Variants in CSMD2 observed in about 807,000 individuals in gnomAD.
CSMD2 encodes CUB and sushi domain-containing protein 2.
Under a neutral mutation model 398.5 loss-of-function variants are expected in CSMD2, and 130 were observed. The ratio of observed to expected loss-of-function variants is 0.33; its 90% confidence interval spans 0.28 to 0.38. CSMD2 has a LOEUF of 0.38. Among genes scored for constraint, CSMD2 ranks in the 10% least tolerant of loss-of-function variants. The pLI, the probability that CSMD2 is intolerant of heterozygous loss-of-function variation, is 1.00. For missense variants in CSMD2, 3,829 were observed against 4,764.9 expected, an observed-to-expected ratio of 0.80 and a Z score of 5.78; for synonymous variants, 1,828 against 1,908.5, an observed-to-expected ratio of 0.96 and a Z score of 1.10.
intron 53 of CSMD2, among the ~76,000 whole-genome samples, chr1:33,564,879 G>A (rs953687314): frequency 2.0e-5 from 3 of 152,150 alleles, no homozygotes; most frequent in Admixed American, 6.5e-5. Flanking sequence ...TTACATAAAG[G>A]CTCACTTTAG....
chr1:33,905,806 C>T (rs941438525), intron 5 of CSMD2, among the ~76,000 whole-genome samples: 36 of 152,284 alleles, frequency 2.4e-4, no homozygotes, highest in African/African-American at 7.2e-4. Context: ...ACAGGAACCA[C>T]GGCATCTTGT....
At chr1:33,719,161 G>A (rs1444056800) in intron 19 of CSMD2, among the ~76,000 whole-genome samples, 4 of 152,160 alleles carry the variant, frequency 2.6e-5, no homozygotes, top group African/African-American at 9.7e-5. Context: ...GGGTGCATGT[G>A]CCCACGTGCA....
At position 33,635,405 on chromosome 1, in the gene CSMD2, AG is replaced by A; in HGVS notation, c.4970-76del. The A allele has an allele frequency of 1.1e-6, 1 of 910,510 alleles. No homozygotes were observed. The highest frequency in any genetic ancestry group is 2.0e-5 in the Admixed American group (1 of 49,798). 56.4% of individuals were successfully genotyped at this position (910,510 alleles called of 1,614,324 possible). On this transcript the variant is annotated intron_variant, in intron 30 of 70. Coordinates refer to ENST00000373381, the MANE Select transcript of CSMD2 (RefSeq NM_001281956.2). The surrounding 1 kb of genome is among the most constrained non-coding windows in gnomAD (Gnocchi z 5.0). ...CAGTGACCATCCTCTGTTCTGCCCC[AG>A]CCTGAGCTTCTGGCCCCAGTAGGGC...
chr1:34,024,928 A>T (rs1649428003), intron 3 of CSMD2, among the ~76,000 whole-genome samples: 1 of 152,258 alleles, frequency 6.6e-6, no homozygotes, highest in Non-Finnish European at 1.5e-5. Context: ...AGAGAGAATC[A>T]GCAGGTCTAA....
intron 5 of CSMD2, among the ~76,000 whole-genome samples, chr1:33,902,661 G>A (rs539055728): frequency 2.8e-4 from 42 of 152,152 alleles, no homozygotes; most frequent in South Asian, 1.5e-3. Flanking sequence ...CTCAGCTTTC[G>A]CTAAGTATCC....
chr1:33,887,522 C>G (rs1294109562), intron 5 of CSMD2, among the ~76,000 whole-genome samples: 2 of 152,182 alleles, frequency 1.3e-5, no homozygotes, highest in African/African-American at 4.8e-5. Context: ...CCTCTCCAAC[C>G]TCTATCAGCT....
chr1:33,555,533 C>T (rs1385376254), intron 55 of CSMD2, among the ~76,000 whole-genome samples: 1 of 152,168 alleles, frequency 6.6e-6, no homozygotes. Flanking sequence ...CAAACAGCAG[C>T]ATACGCTACA....
chr1:34,102,849 C>T (rs960369068), intron 1 of CSMD2, among the ~76,000 whole-genome samples: 2 of 152,204 alleles, frequency 1.3e-5, no homozygotes, highest in African/African-American at 4.8e-5. Flanking sequence ...CCAGGTGTTC[C>T]TGGTGCCTGC....
intron 2 of CSMD2, among the ~76,000 whole-genome samples, chr1:34,052,632 T>C (rs566641156): frequency 1.8e-4 from 28 of 152,142 alleles, no homozygotes; most frequent in Admixed American, 7.2e-4. Flanking sequence ...CATTTATATG[T>C]GTGTACTTGT....
At chr1:33,525,915 C>A (rs1471992357) in intron 65 of CSMD2, among the ~76,000 whole-genome samples, 2 of 152,102 alleles carry the variant, frequency 1.3e-5, no homozygotes, top group African/African-American at 4.8e-5. Context: ...AACTCCTGAC[C>A]TCAGGTGATC....
chr1:34,048,092 G>A (rs773977397), intron 2 of CSMD2, among the ~76,000 whole-genome samples: 21 of 152,216 alleles, frequency 1.4e-4, no homozygotes, highest in Non-Finnish European at 2.2e-4. Context: ...CAGGAGGTTG[G>A]CAAGGATGGA....
At position 33,569,463 on chromosome 1, in the gene CSMD2, G is replaced by A. The variant is rs1659377278; in HGVS notation, c.8042C>T (p.Ser2681Phe). The A allele has an allele frequency of 1.9e-6, 3 of 1,614,190 alleles. No individual in the cohort carries two copies. Among genetic ancestry groups the A allele is most frequent in the Non-Finnish European group, 1.7e-6 (2 of 1,180,032 alleles). ...LSVYGATAIF[S>F]CNSGYTLVGS... The stretch of plus-strand genomic sequence containing the variant: ...CACCAGTGTGTATCCGGAATTGCAG[G>A]AGAAGATGGCTGTTGCCCCGTAGAC... The change falls in exon 52 of 71, where the codon TCC (serine) becomes TTC (phenylalanine). Residue 2681 changes from serine to phenylalanine, a missense_variant. Coordinates refer to ENST00000373381, the MANE Select transcript of CSMD2 (RefSeq NM_001281956.2).
At chr1:33,626,762 A>G (rs765358028) in intron 32 of CSMD2, among the ~76,000 whole-genome samples, 181 bp from the exon 33 acceptor site, 1 of 152,224 alleles carries the variant, frequency 6.6e-6, no homozygotes, top group Non-Finnish European at 1.5e-5. Flanking sequence ...TAAAGTTTAT[A>G]GAAAGCTTTT....
intron 13 of CSMD2, among the ~76,000 whole-genome samples, chr1:33,756,941 A>G (rs1649111137): frequency 6.6e-6 from 1 of 152,202 alleles, no homozygotes; most frequent in Admixed American, 6.5e-5. Flanking sequence ...GATTAAGAAA[A>G]TGTGGCACAT....
Position 33,624,657 on chromosome 1 carries a change from C to T in CSMD2, c.5501-14G>A, listed in dbSNP as rs1570985616. On this transcript the variant is annotated splice_polypyrimidine_tract_variant and intron_variant, in intron 34 of 70. Transcript: ENST00000373381. The surrounding 1 kb of genome is among the most constrained non-coding windows in gnomAD (Gnocchi z 4.7). ...CTCCACACGGCACTGGGAGGAGAGG[C>T]CATCGGGTCAGAGGCTTTGTGGCCT... is the stretch of plus-strand genomic sequence containing the variant. 6.2e-7 allele frequency: 1 copy of T among 1,608,786 alleles called. No homozygotes were observed. The highest frequency in any genetic ancestry group is 2.2e-5 in the East Asian group (1 of 44,708).
intron 39 of CSMD2, among the ~76,000 whole-genome samples, chr1:33,614,933 T>C (rs868702020): frequency 7.9e-5 from 12 of 152,308 alleles, no homozygotes; most frequent in Middle Eastern, 6.8e-3. Context: ...GGAAGTTCTG[T>C]GCCAAAAGAA....
At position 33,525,065 on chromosome 1, in the gene CSMD2, T is replaced by A. The variant is rs201348886; in HGVS notation, c.10235-22A>T. 5 of 1,613,318 alleles carry A rather than the reference T, an allele frequency of 3.1e-6. No individual in the cohort carries two copies. The African/African-American group carries it at 5.3e-5, about 17-fold the overall frequency. The stretch of plus-strand genomic sequence containing the variant: ...GGAACTAGAGGAATTGAGAAATAGA[T>A]GTGAGAGGGACTTTGTGTGTGCTGC... On this transcript the variant is annotated intron_variant, in intron 65 of 70. Transcript: ENST00000373381.
chr1:34,146,057 AT>A (rs754430653), intron 1 of CSMD2, among the ~76,000 whole-genome samples: 10 of 152,174 alleles, frequency 6.6e-5, no homozygotes, highest in Admixed American at 3.3e-4. Context: ...AAGACCAGTA[AT>A]TTGTGTTTGT....
At chr1:33,752,716 G>T (rs1648431181) in intron 13 of CSMD2, among the ~76,000 whole-genome samples, 1 of 152,148 alleles carries the variant, frequency 6.6e-6, no homozygotes, top group African/African-American at 2.4e-5. Flanking sequence ...AAATGAGGGA[G>T]AGTTTGTAAT....
Sources: gnomAD v4.1 joint callset for allele counts (sites outside exome capture counted in the v4.1 genomes callset) on GRCh38, gnomAD v4.1.1 for gene constraint, Gnocchi (gnomAD v3.1) non-coding constraint, MANE v1.5 for transcripts, NCBI Gene and HGNC (gene_info 2026-07-23, HGNC 2026-07-21) for gene names.